The following MAPK4 variants were observed in gnomAD, a reference collection of about 807,000 sequenced individuals.
MAPK4 encodes Erk3-related.
A neutral mutation model predicts 47.7 loss-of-function variants in MAPK4; 22 were observed. That is an observed-to-expected ratio of 0.46 (90% CI 0.33 to 0.66). MAPK4 has a LOEUF of 0.66. Ranked by LOEUF, MAPK4 falls within the 30% of genes least tolerant of loss-of-function variation. The pLI, the probability that MAPK4 is intolerant of heterozygous loss-of-function variation, is 0.02. For synonymous variants in MAPK4, 390 were observed against 365.7 expected (o/e 1.07, Z -0.76); for missense variants, 736 against 831.7 (o/e 0.88, Z 1.42).
At chr18:50,646,015 A>G (rs2042985624) in intron 1 of MAPK4, among the ~76,000 whole-genome samples, 1 of 152,226 alleles carries the variant, frequency 6.6e-6, no homozygotes, top group Non-Finnish European at 1.5e-5. Context: ...TACTTTTCAC[A>G]CTGACTTCAT....
intron 2 of MAPK4, chr18:50,704,929 T>G: frequency 2.5e-6 from 1 of 397,128 alleles, no homozygotes; most frequent in Non-Finnish European, 4.4e-6. Flanking sequence ...AAAGTGCTTT[T>G]GGACTCACAT....
chr18:50,625,159 C>T (rs545344864), intron 1 of MAPK4, among the ~76,000 whole-genome samples: 10 of 152,018 alleles, frequency 6.6e-5, no homozygotes, highest in Middle Eastern at 3.4e-3. Flanking sequence ...TGTGCTTTCC[C>T]GAGCTTTCTC....
At chr18:50,680,580 C>G (rs1908534986) in intron 2 of MAPK4, among the ~76,000 whole-genome samples, 1 of 152,040 alleles carries the variant, frequency 6.6e-6, no homozygotes, top group Non-Finnish European at 1.5e-5. Context: ...TCACCTGTCC[C>G]CACAAGGTCC....
At chr18:50,676,035 C>T (rs1023474949) in intron 2 of MAPK4, among the ~76,000 whole-genome samples, 1 of 152,214 alleles carries the variant, frequency 6.6e-6, no homozygotes, top group African/African-American at 2.4e-5. Context: ...CATGGTCTTT[C>T]GGTAGCCAGG....
In MAPK4 at chr18:50,616,857, C is replaced by T. The variant is rs192881505; in HGVS notation, c.-870-46232C>T. ...CCCAGACTGACGGTTCTGCCTTTCC[C>T]GGTTCCCTGACTCAAATGTTAATCT... On this transcript the variant is annotated intron_variant, in intron 1 of 5. Coordinates refer to ENST00000400384, the MANE Select transcript of MAPK4 (RefSeq NM_002747.4). Among the ~76,000 whole-genome samples the T allele has an allele frequency of 1.2e-3, 189 of 152,304 alleles. 1 individual carries two copies. Among genetic ancestry groups the T allele is most frequent in the Admixed American group, 6.9e-3 (105 of 15,304 alleles).
chr18:50,681,399 T>A (rs12458957), intron 2 of MAPK4, among the ~76,000 whole-genome samples: 4,168 of 152,312 alleles, frequency 0.027, 99 homozygotes, highest in African/African-American at 0.061. Flanking sequence ...ATGTTGTCCT[T>A]TGAAGCACAG....
intron 1 of MAPK4, among the ~76,000 whole-genome samples, chr18:50,602,358 C>T (rs576081198): frequency 6.6e-6 from 1 of 152,326 alleles, no homozygotes; most frequent in Admixed American, 6.5e-5. Context: ...TTTCCCTGAA[C>T]CCATTTGGGC....
At chr18:50,721,823 G>T (rs1298023994) in intron 3 of MAPK4, 115 bp from the exon 4 acceptor site, 1 of 981,764 alleles carries the variant, frequency 1.0e-6, no homozygotes, top group Non-Finnish European at 1.5e-6. Context: ...TCCCAGCCCA[G>T]TGCTGCCCCA....
At chr18:50,655,389 G>C (rs961043349) in intron 1 of MAPK4, among the ~76,000 whole-genome samples, 10 of 152,132 alleles carry the variant, frequency 6.6e-5, no homozygotes, top group African/African-American at 1.9e-4. Context: ...TGGGAGTGGT[G>C]CTGGGCATGA....
rs1372755917 is a variant in MAPK4, at chr18:50,586,189, T to A, written c.-871+25946T>A. Among the ~76,000 whole-genome samples, 3 of 152,330 alleles carry A rather than the reference T, an allele frequency of 2.0e-5. No individual in the cohort carries two copies. In the East Asian group the frequency reaches 5.8e-4, roughly 29 times the overall value. On this transcript the variant is annotated intron_variant, in intron 1 of 5. Transcript: ENST00000400384. ...AGGCTTTTAAAATTTAATTTATGAC[T>A]TTCTATGTCAGAAAACACAATTTCT...
At chr18:50,579,461 C>T (rs1407277703) in intron 1 of MAPK4, among the ~76,000 whole-genome samples, 1 of 152,114 alleles carries the variant, frequency 6.6e-6, no homozygotes, top group Non-Finnish European at 1.5e-5. Context: ...AAAATGCAAC[C>T]ACTTGAGAGG....
intron 2 of MAPK4, among the ~76,000 whole-genome samples, chr18:50,689,641 G>A (rs1180505779): frequency 1.3e-5 from 2 of 152,154 alleles, no homozygotes; most frequent in Admixed American, 1.3e-4. Flanking sequence ...GCTCACGCCT[G>A]TAATCCCAGC....
At chr18:50,728,598 T>C (rs1911332046) in intron 5 of MAPK4, among the ~76,000 whole-genome samples, 1 of 152,180 alleles carries the variant, frequency 6.6e-6, no homozygotes, top group Non-Finnish European at 1.5e-5. Flanking sequence ...GCTATTTTAT[T>C]TTTAATTCCC....
chr18:50,589,595 C>CAA (rs35570696), intron 1 of MAPK4, among the ~76,000 whole-genome samples: 10,751 of 116,132 alleles, frequency 0.093, 522 homozygotes, highest in Admixed American at 0.12. Context: ...GACTCCGTCT[C>CAA]AAAAAAAAAA....
intron 1 of MAPK4, among the ~76,000 whole-genome samples, chr18:50,578,219 G>A (rs2042314822): frequency 6.6e-6 from 1 of 152,200 alleles, no homozygotes; most frequent in African/African-American, 2.4e-5. Flanking sequence ...AGCTATCCTG[G>A]AAAAGGGGAA....
intron 1 of MAPK4, among the ~76,000 whole-genome samples, chr18:50,590,408 G>T (rs1298087700): frequency 6.6e-6 from 1 of 152,148 alleles, no homozygotes; most frequent in African/African-American, 2.4e-5. Context: ...TTCACTCCTG[G>T]ACCTGAGCAT....
At chr18:50,716,821 C>T (rs1910662138) in intron 3 of MAPK4, among the ~76,000 whole-genome samples, 1 of 152,202 alleles carries the variant, frequency 6.6e-6, no homozygotes, top group Admixed American at 6.5e-5. Context: ...ACCGTCTCCC[C>T]TCAGCTCTGT....
At chr18:50,662,143 A>C (rs889570782) in intron 1 of MAPK4, among the ~76,000 whole-genome samples, 6 of 152,256 alleles carry the variant, frequency 3.9e-5, no homozygotes, top group Non-Finnish European at 7.3e-5. Flanking sequence ...CTGCGATATG[A>C]GAATAAAGCA....
At chr18:50,725,106 C>G (rs1036838936) in intron 4 of MAPK4, among the ~76,000 whole-genome samples, 2 of 152,232 alleles carry the variant, frequency 1.3e-5, no homozygotes, top group African/African-American at 4.8e-5. Flanking sequence ...GCCTCTCGCA[C>G]AAGGCTTCTG....
Sources: gnomAD v4.1 joint callset for allele counts (sites outside exome capture counted in the v4.1 genomes callset) on GRCh38, gnomAD v4.1.1 for gene constraint, MANE v1.5 for transcripts, NCBI Gene and HGNC (gene_info 2026-07-23, HGNC 2026-07-21) for gene names.